The following SNRPN variants were observed in gnomAD, a reference collection of about 807,000 sequenced individuals.
SNRPN encodes small nuclear ribonucleoprotein polypeptide N, also known as small nuclear ribonucleoprotein-associated protein N.
A neutral mutation model predicts 25.2 loss-of-function variants in SNRPN; 7 were observed. The ratio of observed to expected loss-of-function variants is 0.28; its 90% CI spans 0.16 to 0.52. The LOEUF is 0.52. Ranked by LOEUF, SNRPN falls within the 20% of genes least tolerant of loss-of-function variation. The pLI is 0.96. For synonymous variants in SNRPN, 124 were observed against 110.6 expected, an observed-to-expected ratio of 1.12 and a Z score of -0.76; for missense variants, 196 against 322.5, an observed-to-expected ratio of 0.61 and a Z score of 3.00.
chr15:24,865,824 A>G (rs1476108458), intron 1 of SNRPN, among the ~76,000 whole-genome samples: 1 of 152,098 alleles, frequency 6.6e-6, no homozygotes. Context: ...TCTAAACTGC[A>G]AAAGAGACAG....
intron 2 of SNRPN, among the ~76,000 whole-genome samples, chr15:24,893,081 C>A (rs536714332): frequency 6.6e-6 from 1 of 151,938 alleles, no homozygotes; most frequent in Non-Finnish European, 1.5e-5. Flanking sequence ...TGGAGGTGCA[C>A]GTCTGTAATC....
chr15:24,855,410 G>A (rs1288306074), upstream of SNRPN, among the ~76,000 whole-genome samples: 3 of 152,112 alleles, frequency 2.0e-5, no homozygotes, highest in Non-Finnish European at 2.9e-5. Context: ...TTTTGACTGA[G>A]TCTATCTTTG....
intron 1 of SNRPN, chr15:24,823,934 T>C (rs2049903991): frequency 6.6e-6 from 1 of 152,164 alleles, no homozygotes; most frequent in African/African-American, 2.4e-5. Context: ...AATTCATATT[T>C]TGTATTGTAT....
chr15:24,878,220 T>G (rs928493859), intron 1 of SNRPN, among the ~76,000 whole-genome samples: 1 of 152,228 alleles, frequency 6.6e-6, no homozygotes, highest in Non-Finnish European at 1.5e-5. Flanking sequence ...GCGTATTCGC[T>G]CAAGTTTCCG....
intron 2 of SNRPN, among the ~76,000 whole-genome samples, chr15:24,893,003 G>T (rs1167216852): frequency 1.3e-5 from 2 of 151,998 alleles, no homozygotes; most frequent in Admixed American, 1.3e-4. Context: ...AAGGTCAGGA[G>T]TTCAAGACCA....
At position 24,828,646 on chromosome 15, in the gene SNRPN, G is replaced by A. The variant is rs78199110; in HGVS notation, c.-686-1152G>A. ...ATTTGATTGCTTGAGCCCAGGAATT[G>A]GAGGCTGCTATGCTCTGTGATCACA... On this transcript the variant is annotated intron_variant, in intron 1 of 12. Coordinates refer to the SNRPN transcript ENST00000400100. Among the ~76,000 whole-genome samples the A allele has an allele frequency of 9.2e-3, 1,397 of 152,198 alleles. 41 individuals carry two copies. Among genetic ancestry groups the A allele is most frequent in the African/African-American group, 0.032 (1,318 of 41,466 alleles).
At chr15:24,836,280 A>G (rs936090348) in intron 2 of SNRPN, among the ~76,000 whole-genome samples, 4 of 152,100 alleles carry the variant, frequency 2.6e-5, no homozygotes, top group African/African-American at 9.7e-5. Flanking sequence ...CCCTATGTCC[A>G]AACAGTCACA....
chr15:24,835,069 GTA>G lies in SNRPN; in HGVS notation c.-579+5172_-579+5173del, dbSNP rs2050994357. Among the ~76,000 whole-genome samples the G allele has an allele frequency of 5.6e-5, 2 of 35,528 alleles. 1 individual carries two copies. The highest frequency in any genetic ancestry group is 1.3e-4 in the Non-Finnish European group (2 of 15,470). 23.3% of individuals were successfully genotyped at this position (35,528 alleles called of 152,430 possible). ...CTATATATAAAAATATAGATATATA[GTA>G]TATATATCTATATATAAAATATATA... On this transcript the variant is annotated intron_variant, in intron 2 of 12. Coordinates refer to the SNRPN transcript ENST00000400100.
chr15:24,864,794 A>G (rs2054408756), intron 1 of SNRPN, among the ~76,000 whole-genome samples: 1 of 152,038 alleles, frequency 6.6e-6, no homozygotes, highest in East Asian at 1.9e-4. Flanking sequence ...TTCTTGCATC[A>G]TGTGTTATTT....
intron 7 of SNRPN, among the ~76,000 whole-genome samples, chr15:24,977,569 G>T (rs2153712394): frequency 6.6e-6 from 1 of 152,168 alleles, no homozygotes; most frequent in South Asian, 2.1e-4. Context: ...ACCCAGGAGT[G>T]GGAGGCTGCA....
intron 3 of SNRPN, among the ~76,000 whole-genome samples, chr15:24,925,748 T>A (rs1471764536): frequency 5.4e-5 from 8 of 149,024 alleles, no homozygotes; most frequent in Admixed American, 1.3e-4. Flanking sequence ...CCAGCTAATT[T>A]TTTTTTTTTT....
chr15:24,915,209 C>A (rs1348699635), intron 2 of SNRPN, among the ~76,000 whole-genome samples: 2 of 151,878 alleles, frequency 1.3e-5, no homozygotes, highest in African/African-American at 2.4e-5. Context: ...CTCACTGTAA[C>A]CTCCGCCTCC....
At chr15:24,881,296 G>T (rs987202019) in intron 1 of SNRPN, among the ~76,000 whole-genome samples, 1 of 151,806 alleles carries the variant, frequency 6.6e-6, no homozygotes, top group Non-Finnish European at 1.5e-5. Flanking sequence ...GCCAAGGCAG[G>T]TGGATCACCT....
chr15:24,901,273 G>C lies in SNRPN; in HGVS notation c.-505+14684G>C, dbSNP rs574590998. ...TACAATTTGTTTTAAAGGCCAGTGAGGGATGTACCAGTAATCAGAATGTTT... is the reference window on the plus strand; with the variant it reads ...TACAATTTGTTTTAAAGGCCAGTGACGGATGTACCAGTAATCAGAATGTTT... On this transcript the variant is annotated intron_variant, in intron 2 of 11. Coordinates refer to the SNRPN transcript ENST00000400097. Among the ~76,000 whole-genome samples the C allele has an allele frequency of 4.7e-4, 72 of 152,244 alleles. 1 individual carries two copies. The South Asian group carries it at 0.014, about 29-fold the overall frequency.
Position 24,836,161 on chromosome 15 carries a change from G to A in SNRPN, c.-579+6256G>A, listed in dbSNP as rs190352290. Among the ~76,000 whole-genome samples the A allele has an allele frequency of 4.8e-3, 730 of 152,064 alleles. 2 individuals are homozygous for A. Among genetic ancestry groups the A allele is most frequent in the Non-Finnish European group, 7.6e-3 (515 of 68,018 alleles). ...CTCACCTCTTCCTTCCCCTGTGCTT[G>A]CACATCCCTGGTTCTCTCATCCAAG... On this transcript the variant is annotated intron_variant, in intron 2 of 12. Coordinates refer to the SNRPN transcript ENST00000400100.
intron 2 of SNRPN, among the ~76,000 whole-genome samples, chr15:24,844,446 G>T (rs773071913): frequency 6.6e-6 from 1 of 152,102 alleles, no homozygotes; most frequent in South Asian, 2.1e-4. Context: ...TTCTGAGCCT[G>T]TGCCATCTCG....
chr15:24,962,355 A>G (rs2074965714), intron 2 of SNRPN, 146 bp downstream of exon 2: 1 of 727,904 alleles, frequency 1.4e-6, no homozygotes. Context: ...AAAGCAATGA[A>G]ATTCTTAACC....
chr15:24,950,235 G>A (rs1346412451), upstream of SNRPN, among the ~76,000 whole-genome samples: 1 of 151,702 alleles, frequency 6.6e-6, no homozygotes, highest in East Asian at 1.9e-4. Flanking sequence ...GGAGTGCAAT[G>A]GCAGGGTCTT....
In SNRPN at chr15:24,956,877, A is replaced by G. The variant is rs114962167; in HGVS notation, c.-391+1815A>G. Among the ~76,000 whole-genome samples, 961 of 152,310 alleles carry G rather than the reference A, an allele frequency of 6.3e-3. 10 individuals carry two copies. Among genetic ancestry groups the G allele is most frequent in the African/African-American group, 0.023 (936 of 41,576 alleles). On this transcript the variant is annotated intron_variant, in intron 1 of 9. Coordinates refer to ENST00000390687, the MANE Select transcript of SNRPN (RefSeq NM_003097.6). ...CTGGGCTACTGCTTTTCAGCTCTGC[A>G]GTAAACTAGAGTGGTGGCGGCCTGG...
Sources: allele counts gnomAD v4.1 joint callset (sites outside exome capture counted in the v4.1 genomes callset), GRCh38; gene constraint gnomAD v4.1.1; transcripts MANE v1.5; gene names NCBI Gene and HGNC (gene_info 2026-07-23, HGNC 2026-07-21).